EP300: variants seen among roughly 807,000 people sequenced by gnomAD.
EP300 encodes the protein histone acetyltransferase p300.
EP300 carries 31 observed loss-of-function variants against 264.0 expected under a neutral mutation model. The ratio of observed to expected loss-of-function variants is 0.12; its 90% CI spans 0.09 to 0.16. The LOEUF (loss-of-function observed/expected upper bound fraction) is 0.16. EP300 is among the 10% of genes least tolerant of loss of function. The pLI is 1.00. For missense variants in EP300, 2,766 were observed against 3,052.9 expected (o/e 0.91, Z 2.21); for synonymous variants, 1,340 against 1,045.4 (o/e 1.28, Z -5.44).
intron 10 of EP300, among the ~76,000 whole-genome samples, chr22:41,144,984 G>T (rs1338293813): frequency 6.6e-6 from 1 of 152,098 alleles, no homozygotes; most frequent in Non-Finnish European, 1.5e-5. Context: ...GCTGACTCTA[G>T]AAGAGCTGTG....
At position 41,135,889 on chromosome 22, in the gene EP300, A is replaced by C; in HGVS notation, c.1605A>C (p.Ser535=). Residue 535 remains serine, a synonymous_variant, in exon 7 of 31, where the codon TCA becomes TCC. Transcript: ENST00000263253. ...TTCTTTCTGACTCAATGTTGCATTC[A>C]GCCATAAATTCTCAAAAGTAAGTCT... ...PSLLSDSMLH[S]AINSQNPMMS... The C allele has an allele frequency of 6.2e-7, 1 of 1,613,970 alleles. No homozygotes were observed. Among genetic ancestry groups the C allele is most frequent in the Non-Finnish European group, 8.5e-7 (1 of 1,179,842 alleles).
Position 41,149,031 on chromosome 22 carries a change from T to C in EP300, c.2242-7T>C, listed in dbSNP as rs754162523. Reference sequence around the variant, plus strand: ...GTTTGGTGATTTGTGTTTTTTTTTTTTTTCAGCCTATGGGCTATGGGCCTC... The same window carrying C: ...GTTTGGTGATTTGTGTTTTTTTTTTCTTTCAGCCTATGGGCTATGGGCCTC... On this transcript the variant is annotated splice_region_variant and splice_polypyrimidine_tract_variant and intron_variant, in intron 12 of 30. Transcript: ENST00000263253. 5 of 1,613,690 alleles carry C rather than the reference T, an allele frequency of 3.1e-6. No individual in the cohort carries two copies. The highest frequency in any genetic ancestry group is 1.7e-5 in the Admixed American group (1 of 59,978).
intron 1 of EP300, among the ~76,000 whole-genome samples, chr22:41,112,236 C>T (rs2058796297): frequency 6.6e-6 from 1 of 150,948 alleles, no homozygotes; most frequent in Admixed American, 6.6e-5. Context: ...GTCACCCAGC[C>T]TGGAGTGCAG....
intron 2 of EP300, among the ~76,000 whole-genome samples, chr22:41,122,107 T>G (rs1156392589): frequency 6.6e-6 from 1 of 151,744 alleles, no homozygotes. Flanking sequence ...CCTGCAATCT[T>G]TTGGCCATAT....
Position 41,127,567 on chromosome 22 carries a change from A to T in EP300, c.987A>T (p.Thr329=), listed in dbSNP as rs2058890385. The T allele has an allele frequency of 6.2e-7, 1 of 1,614,124 alleles. No homozygotes were observed. The highest frequency in any genetic ancestry group is 8.5e-7 in the Non-Finnish European group (1 of 1,180,052). ...VAQGMGSGAH[T]ADPEKRKLIQ... ...AAGGGATGGGTTCTGGAGCACATAC[A>T]GCTGATCCAGAGAAGCGCAAGCTCA... is the stretch of plus-strand genomic sequence containing the variant. Residue 329 remains threonine (T), a synonymous_variant, in exon 4 of 31, where the codon ACA becomes ACT. Transcript: ENST00000263253.
chr22:41,158,524 A>T (rs893994432), intron 19 of EP300, 24 bp downstream of exon 19: 1 of 1,594,480 alleles, frequency 6.3e-7, no homozygotes, highest in African/African-American at 1.3e-5. Flanking sequence ...GGTGTGGACC[A>T]TGGTCCATGT....
Position 41,178,990 on chromosome 22 carries a change from T to C in EP300, c.*34T>C. ...TGTAGTATTTTGGGAGCAAAAAAAT[T>C]ATTTTCTCTTAACAAGACTTTTTGT... On this transcript the variant is annotated 3_prime_UTR_variant, in exon 31 of 31. Transcript: ENST00000263253. 8.1e-6 allele frequency: 13 copies of C among 1,610,590 alleles called. No individual in the cohort carries two copies. The highest frequency in any genetic ancestry group is 1.1e-5 in the Non-Finnish European group (13 of 1,179,214).
intron 1 of EP300, among the ~76,000 whole-genome samples, chr22:41,114,902 T>C (rs1601596731): frequency 6.6e-6 from 1 of 152,154 alleles, no homozygotes; most frequent in South Asian, 2.1e-4. Context: ...TTGGATCAAG[T>C]AGACCATTAA....
At chr22:41,123,407 C>T (rs772667150) in intron 2 of EP300, among the ~76,000 whole-genome samples, 9 of 152,216 alleles carry the variant, frequency 5.9e-5, no homozygotes, top group Non-Finnish European at 1.0e-4. Context: ...CTTTGGTATA[C>T]GTACTGTGGG....
chr22:41,146,118 C>T (rs1396837654), intron 10 of EP300, among the ~76,000 whole-genome samples: 1 of 151,730 alleles, frequency 6.6e-6, no homozygotes, highest in Non-Finnish European at 1.5e-5. Context: ...GCCAACCAGA[C>T]TCAGACTTTG....
At chr22:41,156,902 C>A (rs2059080612) in intron 17 of EP300, among the ~76,000 whole-genome samples, 1 of 152,180 alleles carries the variant, frequency 6.6e-6, no homozygotes, top group South Asian at 2.1e-4. Context: ...CATGTACTTT[C>A]ATAAAGAACC....
intron 6 of EP300, among the ~76,000 whole-genome samples, chr22:41,133,627 G>A (rs2058933145): frequency 6.6e-6 from 1 of 152,064 alleles, no homozygotes; most frequent in Admixed American, 6.5e-5. Context: ...CATTCACAAA[G>A]TTTTGGATTT....
At chr22:41,093,166 T>C (rs2058683245) in intron 1 of EP300, 68 bp downstream of exon 1, 4 of 1,506,298 alleles carry the variant, frequency 2.7e-6, no homozygotes, top group South Asian at 1.1e-5. Context: ...CCTTTATTCT[T>C]CCATTTTTTT....
At chr22:41,099,940 A>G (rs1050046078) in intron 1 of EP300, among the ~76,000 whole-genome samples, 1 of 152,066 alleles carries the variant, frequency 6.6e-6, no homozygotes, top group Non-Finnish European at 1.5e-5. Flanking sequence ...AGTTTAAAAC[A>G]TTGTTGTGGC....
At position 41,151,968 on chromosome 22, in the gene EP300, G is replaced by T; in HGVS notation, c.2953G>T (p.Asp985Tyr). 1.9e-6 allele frequency: 3 copies of T among 1,614,224 alleles called. No individual in the cohort carries two copies. The highest frequency in any genetic ancestry group is 2.5e-6 in the Non-Finnish European group (3 of 1,180,044). Reference protein sequence around the residue: ...EVKMEAKMEVDQPEPADTQPE... With the variant: ...EVKMEAKMEVYQPEPADTQPE... ...GAAGATGGAGGCCAAAATGGAAGTG[G>T]ATCAACCAGAACCAGCAGATACTCA... The change falls in exon 15 of 31, where the codon GAT becomes TAT. Residue 985 changes from aspartate to tyrosine, a missense_variant. Coordinates refer to ENST00000263253, the MANE Select transcript of EP300 (RefSeq NM_001429.4).
rs1569116516 is a variant in EP300, at chr22:41,168,775, C to G, written c.4080C>G (p.Leu1360=). 1 of 1,614,202 alleles carries G rather than the reference C, an allele frequency of 6.2e-7. No individual in the cohort carries two copies. Among genetic ancestry groups the G allele is most frequent in the South Asian group, 1.1e-5 (1 of 91,088 alleles). The stretch of plus-strand genomic sequence containing the variant: ...CCTTTCCATACCGAACCAAAGCCCT[C>G]TTTGCCTTTGAAGAAATTGATGGTG... ...AESFPYRTKA[L]FAFEEIDGVD... The change falls in exon 25 of 31, where the codon CTC becomes CTG. Residue 1360 remains leucine, a synonymous_variant. Transcript: ENST00000263253.
intron 2 of EP300, among the ~76,000 whole-genome samples, chr22:41,121,887 C>G (rs1211146461): frequency 6.6e-6 from 1 of 152,234 alleles, no homozygotes; most frequent in African/African-American, 2.4e-5. Flanking sequence ...GATAGAATGA[C>G]TTTCATACTA....
chr22:41,163,967 T>A, intron 21 of EP300, 86 bp from the exon 22 acceptor site: 2 of 1,236,032 alleles, frequency 1.6e-6, no homozygotes, highest in East Asian at 4.6e-5. Flanking sequence ...ACCTTGGCTG[T>A]CTTTGTCAGA....
At position 41,177,890 on chromosome 22, in the gene EP300, C is replaced by G. The variant is rs2059211839; in HGVS notation, c.6179C>G (p.Ser2060Cys). 14 of 1,614,098 alleles carry G rather than the reference C, an allele frequency of 8.7e-6. No individual in the cohort carries two copies. Among genetic ancestry groups the G allele is most frequent in the Non-Finnish European group, 1.2e-5 (14 of 1,180,046 alleles). Reference sequence around the variant, plus strand: ...CAAAACCTTTTGCGGACTCTCAGGTCTCCCAGCTCTCCCCTGCAGCAGCAA... The same window carrying G: ...CAAAACCTTTTGCGGACTCTCAGGTGTCCCAGCTCTCCCCTGCAGCAGCAA... ...ALQNLLRTLR[S>C]PSSPLQQQQV... Residue 2060 changes from serine (S) to cysteine (C), a missense_variant, in exon 31 of 31, where the codon TCT (serine) becomes TGT (cysteine). Ser to Cys is a moderately radical substitution (Grantham distance 112, BLOSUM62 -1). Transcript: ENST00000263253.
Sources: gnomAD v4.1 joint callset for allele counts (sites outside exome capture counted in the v4.1 genomes callset) on GRCh38, gnomAD v4.1.1 for gene constraint, MANE v1.5 for transcripts, NCBI Gene and HGNC (gene_info 2026-07-23, HGNC 2026-07-21) for gene names.